The following SGCZ variants were observed in gnomAD, a reference collection of about 807,000 sequenced individuals.
SGCZ encodes sarcoglycan zeta.
A neutral mutation model predicts 41.3 loss-of-function variants in SGCZ; 40 were observed. That is an observed-to-expected ratio of 0.97 (90% CI 0.75 to 1.26). The LOEUF (loss-of-function observed/expected upper bound fraction) is 1.26. Ranked by LOEUF, SGCZ falls within the 50% of genes most tolerant of loss-of-function variation. The pLI is 0.00. For synonymous variants in SGCZ, 206 were observed against 137.5 expected (o/e 1.50, Z -3.49); for missense variants, 552 against 369.8 (o/e 1.49, Z -4.04).
In SGCZ at chr8:14,473,815, G is replaced by A. The variant is rs561076122; in HGVS notation, c.234+80917C>T. ...TAGCCAGGCGTGGTGGCGGGCACGCGTAGTCCCAGCTACTCGGGAAGCTGA... is the reference window on the plus strand; with the variant it reads ...TAGCCAGGCGTGGTGGCGGGCACGCATAGTCCCAGCTACTCGGGAAGCTGA... On this transcript the variant is annotated intron_variant, in intron 2 of 7. Coordinates refer to ENST00000382080, the MANE Select transcript of SGCZ (RefSeq NM_139167.4). Among the ~76,000 whole-genome samples, 790 of 151,872 alleles carry A rather than the reference G, an allele frequency of 5.2e-3. 4 individuals carry two copies. The highest frequency in any genetic ancestry group is 0.017 in the African/African-American group (710 of 41,416).
At chr8:14,360,897 A>G (rs1484412904) in intron 2 of SGCZ, among the ~76,000 whole-genome samples, 1 of 152,130 alleles carries the variant, frequency 6.6e-6, no homozygotes, top group East Asian at 1.9e-4. Flanking sequence ...ACCATTCCAC[A>G]TTCTCACCAA....
intron 1 of SGCZ, among the ~76,000 whole-genome samples, chr8:15,210,714 C>T (rs1260864002): frequency 2.0e-5 from 3 of 152,130 alleles, no homozygotes; most frequent in African/African-American, 7.2e-5. Flanking sequence ...TACTTTATCA[C>T]CCGTCCCTTG....
chr8:14,482,884 C>T (rs1801572452), intron 2 of SGCZ, among the ~76,000 whole-genome samples: 1 of 151,970 alleles, frequency 6.6e-6, no homozygotes, highest in Non-Finnish European at 1.5e-5. Flanking sequence ...GAATTAACAC[C>T]ACTGGCTCCC....
At chr8:15,179,791 G>A (rs547089886) in intron 1 of SGCZ, among the ~76,000 whole-genome samples, 4 of 152,206 alleles carry the variant, frequency 2.6e-5, no homozygotes, top group Admixed American at 2.0e-4. Context: ...AAATAAAAAC[G>A]GGTTTGGAAG....
chr8:14,297,219 G>A (rs771270287), intron 3 of SGCZ, among the ~76,000 whole-genome samples: 6 of 151,990 alleles, frequency 3.9e-5, no homozygotes, highest in East Asian at 1.9e-4. Flanking sequence ...CACTGCACTC[G>A]GCCCTGAATA....
At chr8:14,383,212 A>T (rs1804434989) in intron 2 of SGCZ, among the ~76,000 whole-genome samples, 1 of 152,246 alleles carries the variant, frequency 6.6e-6, no homozygotes, top group Admixed American at 6.5e-5. Context: ...AACTAGTTAT[A>T]TAAAACCAAT....
At chr8:14,892,329 T>C (rs765665855) in intron 1 of SGCZ, among the ~76,000 whole-genome samples, 1 of 152,136 alleles carries the variant, frequency 6.6e-6, no homozygotes, top group South Asian at 2.1e-4. Context: ...TTCCTGTCAC[T>C]CAAAAGCGTG....
At chr8:14,818,889 A>G (rs1267409534) in intron 1 of SGCZ, among the ~76,000 whole-genome samples, 1 of 152,090 alleles carries the variant, frequency 6.6e-6, no homozygotes, top group Non-Finnish European at 1.5e-5. Flanking sequence ...GCAAATAAAG[A>G]AAGCCTATGG....
chr8:14,679,005 T>C (rs1808359711), intron 1 of SGCZ, among the ~76,000 whole-genome samples: 1 of 152,148 alleles, frequency 6.6e-6, no homozygotes, highest in South Asian at 2.1e-4. Context: ...CGTATGATAG[T>C]TGCCTGTCCT....
intron 1 of SGCZ, among the ~76,000 whole-genome samples, chr8:14,932,291 T>G (rs1033957035): frequency 6.6e-6 from 1 of 151,990 alleles, no homozygotes; most frequent in Non-Finnish European, 1.5e-5. Context: ...GTTATAAAAC[T>G]TCTCGATTTC....
At chr8:14,389,353 A>C (rs1804679923) in intron 2 of SGCZ, among the ~76,000 whole-genome samples, 1 of 151,836 alleles carries the variant, frequency 6.6e-6, no homozygotes, top group Non-Finnish European at 1.5e-5. Context: ...AAATATAAGT[A>C]CTCAGATTAA....
chr8:14,730,619 G>T (rs1458615347), intron 1 of SGCZ, among the ~76,000 whole-genome samples: 1 of 151,788 alleles, frequency 6.6e-6, no homozygotes, highest in East Asian at 1.9e-4. Context: ...TGCTTGAAGT[G>T]AGAGCACATG....
chr8:14,607,992 T>C (rs34925040), intron 1 of SGCZ, among the ~76,000 whole-genome samples: 36,769 of 152,110 alleles, frequency 0.24, 4,535 homozygotes, highest in Non-Finnish European at 0.26. Context: ...TAATGAATAA[T>C]AGAAAGATTA....
chr8:14,264,778 G>T (rs1224975282), intron 3 of SGCZ, among the ~76,000 whole-genome samples: 2 of 152,074 alleles, frequency 1.3e-5, no homozygotes, highest in African/African-American at 4.8e-5. Context: ...TGGCTAACAC[G>T]GTGAAACCCC....
At chr8:14,388,758 T>C (rs559657212) in intron 2 of SGCZ, among the ~76,000 whole-genome samples, 5 of 151,342 alleles carry the variant, frequency 3.3e-5, no homozygotes, top group African/African-American at 1.2e-4. Flanking sequence ...ACAACAAACC[T>C]CCATGATGCA....
intron 4 of SGCZ, among the ~76,000 whole-genome samples, chr8:14,206,013 G>T (rs551117085): frequency 1.4e-4 from 21 of 151,880 alleles, no homozygotes; most frequent in South Asian, 1.0e-3. Context: ...ATTTAAACTC[G>T]GTTCTCTGCT....
At chr8:14,441,384 G>A (rs1800259347) in intron 2 of SGCZ, among the ~76,000 whole-genome samples, 1 of 152,136 alleles carries the variant, frequency 6.6e-6, no homozygotes, top group Admixed American at 6.5e-5. Context: ...AGGCCATCCT[G>A]TCCAACATGG....
intron 1 of SGCZ, among the ~76,000 whole-genome samples, chr8:14,599,474 A>G (rs1805518902): frequency 1.3e-5 from 2 of 152,138 alleles, no homozygotes; most frequent in South Asian, 4.1e-4. Flanking sequence ...ACAAGTGTAA[A>G]TGTCACTGTG....
chr8:15,142,362 T>C, intron 1 of SGCZ, among the ~76,000 whole-genome samples: 2 of 152,330 alleles, frequency 1.3e-5, no homozygotes, highest in South Asian at 4.1e-4. Flanking sequence ...TTATATTTAA[T>C]ACCAGATGTG....
Sources: gnomAD v4.1 joint callset for allele counts (sites outside exome capture counted in the v4.1 genomes callset) on GRCh38, gnomAD v4.1.1 for gene constraint, MANE v1.5 for transcripts, NCBI Gene and HGNC (gene_info 2026-07-23, HGNC 2026-07-21) for gene names.